The following GRAMD2A variants were observed in gnomAD, a reference collection of about 807,000 sequenced individuals.
The protein encoded by GRAMD2A is GRAM domain-containing protein 2A.
In GRAMD2A, 37 loss-of-function variants were observed where a neutral mutation model predicts 51.1. The observed-to-expected ratio is 0.72, with a 90% CI of 0.56 to 0.95. GRAMD2A has a LOEUF of 0.95. Ranked by LOEUF, GRAMD2A falls within the 40% of genes least tolerant of loss-of-function variation. The pLI, the probability that GRAMD2A is intolerant of heterozygous loss-of-function variation, is 0.00. For missense variants in GRAMD2A, 414 were observed against 426.9 expected (o/e 0.97, Z 0.27); for synonymous variants, 136 against 157.1 (o/e 0.87, Z 1.01).
At chr15:72,178,269 G>A (rs942773256) in intron 1 of GRAMD2A, among the ~76,000 whole-genome samples, 2 of 152,186 alleles carry the variant, frequency 1.3e-5, no homozygotes, top group Admixed American at 6.5e-5. Flanking sequence ...TCCTTCATCT[G>A]TTTAAGGCCT....
chr15:72,163,581 T>A (rs1327137559), intron 9 of GRAMD2A, 32 bp downstream of exon 9: 1 of 1,589,374 alleles, frequency 6.3e-7, no homozygotes, highest in South Asian at 1.1e-5. Flanking sequence ...CCTTTGCAAG[T>A]AGTTGCCATG....
intron 7 of GRAMD2A, among the ~76,000 whole-genome samples, chr15:72,165,868 GT>G (rs971898240): frequency 6.7e-6 from 1 of 148,644 alleles, no homozygotes; most frequent in Non-Finnish European, 1.5e-5. Context: ...TTTGTTTTTT[GT>G]TTTTTTTTGT....
rs192615295 is a variant in GRAMD2A, at chr15:72,183,779, G to C, written c.42-13840C>G. Reference sequence around the variant, plus strand: ...GGAGGAGAACGCAATGCTGAAGTCTGCTGAAAGGCCAAGTAAGAGCAGGAC... The same window carrying C: ...GGAGGAGAACGCAATGCTGAAGTCTCCTGAAAGGCCAAGTAAGAGCAGGAC... On this transcript the variant is annotated intron_variant, in intron 1 of 11. Transcript: ENST00000309731. Among the ~76,000 whole-genome samples the C allele has an allele frequency of 6.2e-3, 943 of 152,344 alleles. 47 individuals are homozygous for C. The highest frequency in any genetic ancestry group is 0.055 in the Admixed American group (837 of 15,306).
chr15:72,194,022 C>T (rs564825999), intron 1 of GRAMD2A, among the ~76,000 whole-genome samples: 1 of 152,330 alleles, frequency 6.6e-6, no homozygotes, highest in African/African-American at 2.4e-5. Context: ...CTGCCCTCCC[C>T]CTCCTCCTTC....
At chr15:72,177,464 C>T (rs2081662544) in intron 1 of GRAMD2A, among the ~76,000 whole-genome samples, 1 of 152,210 alleles carries the variant, frequency 6.6e-6, no homozygotes, top group Non-Finnish European at 1.5e-5. Flanking sequence ...GCTTTTGCTG[C>T]TTTTGGGACT....
chr15:72,197,602 G>T, intron 1 of GRAMD2A, 129 bp downstream of exon 1: 1 of 711,610 alleles, frequency 1.4e-6, no homozygotes, highest in Non-Finnish European at 1.9e-6. Flanking sequence ...CGGCCGGGAA[G>T]TGCCTGCCCC....
Position 72,166,882 on chromosome 15 carries a change from G to A in GRAMD2A, c.471+112C>T. On this transcript the variant is annotated intron_variant, in intron 6 of 11. Transcript: ENST00000309731. This position sits in a 1 kb window ranked among gnomAD's most constrained non-coding sequence, Gnocchi z 4.1. Reference sequence around the variant, plus strand: ...TGTACGGCCTGAAATACCTACTGGAGAGCTGCAGGGTGGGGTGAAATAAAG... The same window carrying A: ...TGTACGGCCTGAAATACCTACTGGAAAGCTGCAGGGTGGGGTGAAATAAAG... 1.0e-6 allele frequency: 1 copy of A among 954,442 alleles called. No individual in the cohort carries two copies. The highest frequency in any genetic ancestry group is 1.7e-6 in the Non-Finnish European group (1 of 592,684). 59.1% of individuals were successfully genotyped at this position (954,442 alleles called of 1,614,324 possible). A position where few individuals can be genotyped will look rare whatever the true frequency, so the allele number is the denominator to read the frequency against.
intron 8 of GRAMD2A, among the ~76,000 whole-genome samples, chr15:72,165,075 G>A (rs865778395): frequency 6.6e-6 from 1 of 152,250 alleles, no homozygotes; most frequent in East Asian, 1.9e-4. Context: ...GCAGGTGGAA[G>A]TTGCAGTGAG....
At chr15:72,197,445 C>T (rs2081817066) in intron 1 of GRAMD2A, among the ~76,000 whole-genome samples, 1 of 152,186 alleles carries the variant, frequency 6.6e-6, no homozygotes, top group South Asian at 2.1e-4. Context: ...GGGTGCCCTT[C>T]CTTGCCCCGA....
chr15:72,163,917 A>G (rs2081511171), intron 8 of GRAMD2A, 160 bp from the exon 9 acceptor site: 5 of 669,792 alleles, frequency 7.5e-6, no homozygotes, highest in South Asian at 2.0e-5. Flanking sequence ...CAGTTGCTAT[A>G]GCAACCATAT....
At position 72,166,972 on chromosome 15, in the gene GRAMD2A, A is replaced by T; in HGVS notation, c.471+22T>A. 1 of 1,578,978 alleles carries T rather than the reference A, an allele frequency of 6.3e-7. No homozygotes were observed. ...GCTGGGAGCGGGAGACTGACAAGGG[A>T]GCATGGGCCCAGTGCACTGACCTTC... On this transcript the variant is annotated intron_variant, in intron 6 of 11. Transcript: ENST00000309731. The surrounding 1 kb of genome is among the most constrained non-coding windows in gnomAD (Gnocchi z 4.1).
At chr15:72,173,242 A>G (rs960765272) in intron 1 of GRAMD2A, among the ~76,000 whole-genome samples, 2 of 152,218 alleles carry the variant, frequency 1.3e-5, no homozygotes, top group Non-Finnish European at 2.9e-5. Context: ...GGGTATAATT[A>G]TAATCTTGCA....
At chr15:72,163,571 C>T in intron 9 of GRAMD2A, 42 bp downstream of exon 9, 2 of 1,589,224 alleles carry the variant, frequency 1.3e-6, no homozygotes, top group African/African-American at 1.4e-5. Context: ...GAAAGTCTGG[C>T]CTTTGCAAGT....
chr15:72,176,037 CCA>C (rs2081650470), intron 1 of GRAMD2A: 2 of 152,614 alleles, frequency 1.3e-5, no homozygotes, highest in African/African-American at 4.8e-5. Context: ...GGCACTCAGC[CCA>C]GGGTGGCTGA....
At chr15:72,179,653 C>T (rs1329881462) in intron 1 of GRAMD2A, among the ~76,000 whole-genome samples, 2 of 152,206 alleles carry the variant, frequency 1.3e-5, no homozygotes, top group Non-Finnish European at 2.9e-5. Context: ...ACCTGCAGAT[C>T]GTCAGGGCTA....
chr15:72,181,550 G>T (rs1354777758), intron 1 of GRAMD2A, among the ~76,000 whole-genome samples: 1 of 152,240 alleles, frequency 6.6e-6, no homozygotes, highest in African/African-American at 2.4e-5. Context: ...GGACTGGGTG[G>T]CAGTGGTGAT....
intron 1 of GRAMD2A, among the ~76,000 whole-genome samples, chr15:72,188,329 T>A (rs1477939320): frequency 2.0e-5 from 3 of 150,204 alleles, no homozygotes; most frequent in Non-Finnish European, 4.4e-5. Context: ...AGAGCTAGAC[T>A]TCGTCTCAAA....
At chr15:72,186,447 C>T (rs565236423) in intron 1 of GRAMD2A, among the ~76,000 whole-genome samples, 16 of 152,036 alleles carry the variant, frequency 1.1e-4, no homozygotes, top group Middle Eastern at 3.2e-3. Context: ...GCCTCAGCCT[C>T]CCGAGTAGCT....
At chr15:72,189,483 A>G (rs1442547773) in intron 1 of GRAMD2A, among the ~76,000 whole-genome samples, 1 of 152,242 alleles carries the variant, frequency 6.6e-6, no homozygotes, top group East Asian at 1.9e-4. Flanking sequence ...AACTGGGTGA[A>G]GAATACATGA....
Sources: gnomAD v4.1 joint callset for allele counts (sites outside exome capture counted in the v4.1 genomes callset) on GRCh38, gnomAD v4.1.1 for gene constraint, Gnocchi (gnomAD v3.1) non-coding constraint, MANE v1.5 for transcripts, NCBI Gene and HGNC (gene_info 2026-07-23, HGNC 2026-07-21) for gene names.